Variants in PUDP observed in about 807,000 individuals in gnomAD.
PUDP encodes the protein pseudouridine 5'-phosphatase.
PUDP carries 8 observed loss-of-function variants against 9.4 expected under a neutral mutation model. That is an observed-to-expected ratio of 0.85 (90% CI 0.50 to 1.53). The LOEUF (loss-of-function observed/expected upper bound fraction) is 1.53. Among genes scored for constraint, PUDP ranks in the 40% most tolerant of loss-of-function variants. The pLI, the probability that PUDP is intolerant of heterozygous loss-of-function variation, is 0.00. For missense variants in PUDP, 188 were observed against 189.7 expected (o/e 0.99, Z 0.05); for synonymous variants, 99 against 80.7 (o/e 1.23, Z -1.22).
chrX:7,039,190 A>G (rs1255934391), intron 1 of PUDP, among the ~76,000 whole-genome samples: 1 of 111,302 alleles, frequency 9.0e-6, no homozygotes, highest in African/African-American at 3.3e-5. Context: ...TGGCCTCCCA[A>G]AGTGCTGGGA....
At chrX:6,893,024 T>C (rs780872706) in intron 3 of PUDP, among the ~76,000 whole-genome samples, 5 of 112,405 alleles carry the variant, frequency 4.4e-5, no homozygotes, top group Non-Finnish European at 7.5e-5. Flanking sequence ...TTTTAATTTT[T>C]GCTATGTCAT....
At chrX:6,706,785 C>A (rs770023885) in intron 1 of PUDP, among the ~76,000 whole-genome samples, 1 of 111,745 alleles carries the variant, frequency 8.9e-6, no homozygotes, top group African/African-American at 3.3e-5. Context: ...CGACCAGGGG[C>A]AAGATGGCAC....
intron 1 of PUDP, among the ~76,000 whole-genome samples, chrX:7,133,294 C>T (rs1293061670): frequency 9.0e-6 from 1 of 111,510 alleles, no homozygotes; most frequent in Non-Finnish European, 1.9e-5. Flanking sequence ...GTCAAGGGGT[C>T]ATCAGAGCAG....
intron 3 of PUDP, among the ~76,000 whole-genome samples, chrX:6,837,901 A>AAT (rs1300629293): frequency 1.8e-5 from 2 of 111,508 alleles, no homozygotes; most frequent in Non-Finnish European, 3.8e-5. Flanking sequence ...CAAAAAAAAA[A>AAT]AAATAAGTAA....
intron 3 of PUDP, among the ~76,000 whole-genome samples, chrX:6,828,364 A>ATGTG (rs72476427): frequency 1.1e-3 from 114 of 107,010 alleles, no homozygotes; most frequent in Non-Finnish European, 1.8e-3. Context: ...GTTGCTATAT[A>ATGTG]TGTGTGTGTG....
intron 3 of PUDP, among the ~76,000 whole-genome samples, chrX:6,891,380 G>A (rs1192304466): frequency 8.9e-6 from 1 of 112,002 alleles, no homozygotes; most frequent in Non-Finnish European, 1.9e-5. Context: ...TCATTGCTAT[G>A]CCTTCTTTCA....
intron 3 of PUDP, among the ~76,000 whole-genome samples, chrX:6,863,247 G>A (rs1927030085): frequency 1.8e-5 from 2 of 112,172 alleles, no homozygotes; most frequent in African/African-American, 3.2e-5. Flanking sequence ...ATAAATTACT[G>A]AGATATTTTA....
At chrX:6,871,987 G>A (rs748532683) in intron 3 of PUDP, among the ~76,000 whole-genome samples, 1 of 111,849 alleles carries the variant, frequency 8.9e-6, no homozygotes, top group East Asian at 2.8e-4. Context: ...CTGCTTCCTG[G>A]TTCATAGACA....
chrX:7,037,410 T>C (rs1011977657), intron 1 of PUDP, among the ~76,000 whole-genome samples: 2 of 112,482 alleles, frequency 1.8e-5, no homozygotes, highest in Non-Finnish European at 3.8e-5. Flanking sequence ...GATTGAAACA[T>C]GATGTAGGCT....
At chrX:7,055,839 A>C (rs751791032) in intron 3 of PUDP, among the ~76,000 whole-genome samples, 1 of 112,384 alleles carries the variant, frequency 8.9e-6, no homozygotes, top group Non-Finnish European at 1.9e-5. Flanking sequence ...AATAAAATTA[A>C]GGAAGAAGTA....
intron 1 of PUDP, among the ~76,000 whole-genome samples, chrX:7,032,533 A>AT (rs1398494279): frequency 8.9e-6 from 1 of 112,707 alleles, no homozygotes; most frequent in Non-Finnish European, 1.9e-5. Context: ...CTACTAACAG[A>AT]TAAAAAAAGG....
intron 1 of PUDP, among the ~76,000 whole-genome samples, chrX:7,107,033 G>A (rs1168140078): frequency 9.0e-6 from 1 of 111,510 alleles, no homozygotes; most frequent in East Asian, 2.8e-4. Flanking sequence ...GGCAGTCCCT[G>A]AACCCGAGAG....
intron 3 of PUDP, among the ~76,000 whole-genome samples, chrX:6,824,900 T>C (rs1451400005): frequency 2.7e-5 from 3 of 112,143 alleles, no homozygotes; most frequent in Non-Finnish European, 5.6e-5. Flanking sequence ...AACTCTCCTA[T>C]AACTTCAAAG....
intron 1 of PUDP, among the ~76,000 whole-genome samples, chrX:7,129,105 G>C (rs1392141920): frequency 2.7e-5 from 3 of 111,976 alleles, no homozygotes; most frequent in Non-Finnish European, 5.6e-5. Flanking sequence ...GGCAACCATT[G>C]CTTTGAACAT....
At chrX:6,965,039 T>C (rs1404670167) in intron 3 of PUDP, among the ~76,000 whole-genome samples, 3 of 112,028 alleles carry the variant, frequency 2.7e-5, no homozygotes, top group African/African-American at 9.7e-5. Context: ...AGTCAGTAAC[T>C]GTTTTTGCAT....
intron 2 of PUDP, among the ~76,000 whole-genome samples, chrX:7,089,426 C>G (rs1931360522): frequency 9.0e-6 from 1 of 111,213 alleles, no homozygotes; most frequent in East Asian, 2.8e-4. Context: ...GATCTGAAGT[C>G]TCTCTGGCTC....
At chrX:7,004,033 G>A (rs938135310) in intron 1 of PUDP, among the ~76,000 whole-genome samples, 7 of 109,864 alleles carry the variant, frequency 6.4e-5, no homozygotes, top group African/African-American at 2.0e-4. Flanking sequence ...ACACCACCAC[G>A]CACGCTTAAT....
chrX:6,749,080 A>G (rs1925034170), intron 3 of PUDP, among the ~76,000 whole-genome samples: 1 of 112,105 alleles, frequency 8.9e-6, no homozygotes, highest in South Asian at 3.8e-4. Context: ...GCAGGTATAG[A>G]TCATTTTGCA....
chrX:6,812,172 A>G (rs1051570382), intron 3 of PUDP, among the ~76,000 whole-genome samples: 1 of 112,113 alleles, frequency 8.9e-6, no homozygotes, highest in African/African-American at 3.2e-5. Context: ...ACAGTGAGAA[A>G]GGTGTGCACA....
Sources: gnomAD v4.1 joint callset for allele counts (sites outside exome capture counted in the v4.1 genomes callset) on GRCh38, gnomAD v4.1.1 for gene constraint, MANE v1.5 for transcripts, NCBI Gene and HGNC (gene_info 2026-07-23, HGNC 2026-07-21) for gene names.